Variants in NLRP5 observed in about 807,000 individuals in gnomAD.
NLRP5 encodes NLR family pyrin domain containing 5, also known as NACHT, LRR and PYD domains-containing protein 5.
Under a neutral mutation model 113.1 loss-of-function variants are expected in NLRP5, and 93 were observed. That is an observed-to-expected ratio of 0.82 (90% CI 0.70 to 0.98). NLRP5 has a LOEUF of 0.98. Ranked by LOEUF, NLRP5 falls within the 50% of genes least tolerant of loss-of-function variation. NLRP5 has a pLI of 0.00. For missense variants in NLRP5, 1,808 were observed against 1,514.3 expected, an observed-to-expected ratio of 1.19 and a Z score of -3.22; for synonymous variants, 751 against 600.7, an observed-to-expected ratio of 1.25 and a Z score of -3.66.
intron 13 of NLRP5, among the ~76,000 whole-genome samples, chr19:56,056,404 A>C (rs564843123): frequency 6.6e-6 from 1 of 152,214 alleles, no homozygotes; most frequent in Non-Finnish European, 1.5e-5. Context: ...TAAAAATATA[A>C]AAGTTAGCCG....
intron 7 of NLRP5, among the ~76,000 whole-genome samples, chr19:56,031,100 A>G (rs1292887929): frequency 6.6e-6 from 1 of 151,674 alleles, no homozygotes; most frequent in Non-Finnish European, 1.5e-5. Flanking sequence ...ACACGTGGGA[A>G]GGTATAAACT....
intron 1 of NLRP5, among the ~76,000 whole-genome samples, chr19:56,002,935 T>A (rs1981712450): frequency 6.6e-6 from 1 of 152,046 alleles, no homozygotes; most frequent in Non-Finnish European, 1.5e-5. Flanking sequence ...AGAATGGCGA[T>A]CATTAAAAAG....
chr19:56,040,843 C>A, intron 10 of NLRP5, 79 bp from the exon 11 acceptor site: 1 of 1,227,898 alleles, frequency 8.1e-7, no homozygotes, highest in Non-Finnish European at 1.2e-6. Context: ...ATACGTCTTT[C>A]CCCTCCTTGT....
rs531552751 is a variant in NLRP5, at chr19:56,029,840, A to C, written c.2276+1331A>C. ...GGGAGGCTGAGGTGGGTGGATCACG[A>C]GGTCAGGAGTTCGAGACCAGCCTGG... On this transcript the variant is annotated intron_variant, in intron 7 of 14. Coordinates refer to ENST00000390649, the MANE Select transcript of NLRP5 (RefSeq NM_153447.4). Among the ~76,000 whole-genome samples the C allele has an allele frequency of 8.6e-5, 13 of 150,854 alleles. No individual in the cohort carries two copies. The East Asian group carries it at 2.6e-3, about 30-fold the overall frequency.
chr19:56,056,326 G>A (rs181722847), intron 13 of NLRP5, among the ~76,000 whole-genome samples: 1 of 147,984 alleles, frequency 6.8e-6, no homozygotes, highest in Non-Finnish European at 1.5e-5. Context: ...GGGAGGCTGA[G>A]GGGGGTGGAT....
Position 56,058,285 on chromosome 19 carries a change from C to T in NLRP5, c.3345C>T (p.Ser1115=), listed in dbSNP as rs192828437. 5.6e-6 allele frequency: 9 copies of T among 1,613,966 alleles called. No individual in the cohort carries two copies. Among genetic ancestry groups the T allele is most frequent in the Non-Finnish European group, 7.6e-6 (9 of 1,179,876 alleles). Residue 1115 remains serine (S), a synonymous_variant, in exon 14 of 15, where the codon TCC becomes TCT. Coordinates refer to ENST00000390649, the MANE Select transcript of NLRP5 (RefSeq NM_153447.4). Reference sequence around the variant, plus strand: ...CTTCTGATTGCTGTGAGGCACTCTCCTTGGCCCTTTCCTGCAACCGGCATC... The same window carrying T: ...CTTCTGATTGCTGTGAGGCACTCTCTTTGGCCCTTTCCTGCAACCGGCATC...
At chr19:56,061,375 G>T in intron 14 of NLRP5, 21 bp from the exon 15 acceptor site, 1 of 1,611,646 alleles carries the variant, frequency 6.2e-7, no homozygotes, top group Non-Finnish European at 8.5e-7. Context: ...TCAGTAACGA[G>T]TCCTCTCTCT....
the NLRP5 span, among the ~76,000 whole-genome samples, chr19:55,987,052 C>G: frequency 3.4e-4 from 52 of 152,196 alleles, no homozygotes; most frequent in African/African-American, 1.1e-3. Context: ...GTCTCTCGTC[C>G]TTTTCAGACA....
intron 3 of NLRP5, among the ~76,000 whole-genome samples, chr19:56,010,755 A>AAAAAAAAAAAAAAT (rs78321861): frequency 7.9e-6 from 1 of 126,004 alleles, no homozygotes; most frequent in African/African-American, 3.0e-5. Context: ...AAAAAAAAAA[A>AAAAAAAAAAAAAAT]GTCCCTTGAA....
chr19:56,024,252 G>A (rs1207185026), intron 6 of NLRP5, among the ~76,000 whole-genome samples: 6 of 149,040 alleles, frequency 4.0e-5, no homozygotes, highest in Admixed American at 6.7e-5. Flanking sequence ...CCTATAACCC[G>A]AGCACTTGGG....
intron 14 of NLRP5, among the ~76,000 whole-genome samples, chr19:56,060,560 C>G (rs1174892687): frequency 6.6e-6 from 1 of 152,084 alleles, no homozygotes; most frequent in Non-Finnish European, 1.5e-5. Flanking sequence ...GGAGAACTTA[C>G]TGTACCTCCC....
At chr19:56,005,718 GCT>G (rs997148238) in intron 2 of NLRP5, among the ~76,000 whole-genome samples, 5 of 152,176 alleles carry the variant, frequency 3.3e-5, no homozygotes, top group African/African-American at 1.2e-4. Context: ...CGCTTCAAGG[GCT>G]CTCTCTCCTG....
chr19:55,987,925 A>T, the NLRP5 span: 1 of 1,590,378 alleles, frequency 6.3e-7, no homozygotes, highest in Non-Finnish European at 8.6e-7. Flanking sequence ...CCGTCCAGTC[A>T]TCTTTCTCTG....
At chr19:56,033,747 G>A (rs546018139) in intron 9 of NLRP5, 38 bp downstream of exon 9, 24 of 1,532,702 alleles carry the variant, frequency 1.6e-5, no homozygotes, top group Middle Eastern at 1.7e-4. Context: ...GTTTTTCTTC[G>A]TTTTTACTTG....
At chr19:56,030,387 A>G (rs1370440159) in intron 7 of NLRP5, among the ~76,000 whole-genome samples, 1 of 152,096 alleles carries the variant, frequency 6.6e-6, no homozygotes, top group African/African-American at 2.4e-5. Flanking sequence ...AAAAATTCTC[A>G]CATGGAAGAG....
intron 4 of NLRP5, among the ~76,000 whole-genome samples, chr19:56,018,089 G>T (rs886225727): frequency 6.6e-6 from 1 of 152,120 alleles, no homozygotes; most frequent in African/African-American, 2.4e-5. Flanking sequence ...ATGGGTTATT[G>T]AAGGCATTTC....
intron 11 of NLRP5, among the ~76,000 whole-genome samples, chr19:56,046,817 C>G (rs1225818388): frequency 6.6e-6 from 1 of 152,230 alleles, no homozygotes; most frequent in Non-Finnish European, 1.5e-5. Context: ...CAGGCGTGAG[C>G]CATCGCGCCC....
chr19:56,056,489 G>C (rs530221485), intron 13 of NLRP5, among the ~76,000 whole-genome samples: 1 of 151,956 alleles, frequency 6.6e-6, no homozygotes, highest in Non-Finnish European at 1.5e-5. Context: ...CCTGGGAGGC[G>C]GAGGTTGCAG....
At chr19:56,054,020 A>G (rs1038311294) in intron 13 of NLRP5, among the ~76,000 whole-genome samples, 2 of 152,112 alleles carry the variant, frequency 1.3e-5, no homozygotes, top group South Asian at 4.1e-4. Context: ...CTTGGGAACA[A>G]GGTCTGGAGG....
Sources: gnomAD v4.1 joint callset for allele counts (sites outside exome capture counted in the v4.1 genomes callset) on GRCh38, gnomAD v4.1.1 for gene constraint, MANE v1.5 for transcripts, NCBI Gene and HGNC (gene_info 2026-07-23, HGNC 2026-07-21) for gene names.